The following TRIM63 variants were observed in gnomAD, a reference collection of about 807,000 sequenced individuals.
TRIM63 encodes tripartite motif containing 63, also known as E3 ubiquitin-protein ligase TRIM63.
A neutral mutation model predicts 46.0 loss-of-function variants in TRIM63; 48 were observed. The ratio of observed to expected loss-of-function variants is 1.04; its 90% CI spans 0.83 to 1.33. The LOEUF is 1.33. Among genes scored for constraint, TRIM63 ranks in the 40% most tolerant of loss-of-function variants. The probability of loss-of-function intolerance (pLI) is 0.00; values close to 1 mark genes in which losing one functional copy is unlikely to be tolerated. For synonymous variants in TRIM63, 175 were observed against 162.8 expected (o/e 1.08, Z -0.57); for missense variants, 455 against 441.2 (o/e 1.03, Z -0.28).
intron 2 of TRIM63, among the ~76,000 whole-genome samples, 177 bp downstream of exon 2, chr1:26,066,091 T>A (rs1473214152): frequency 6.6e-6 from 1 of 152,162 alleles, no homozygotes. Flanking sequence ...CGCTGAGCAA[T>A]CCTGAGAGCT....
At chr1:26,067,202 A>C in intron 1 of TRIM63, 134 bp downstream of exon 1, 6 of 1,071,718 alleles carry the variant, frequency 5.6e-6, no homozygotes, top group Non-Finnish European at 7.9e-6. Flanking sequence ...AGCCCTGTCC[A>C]GAGGCCTCTG....
intron 2 of TRIM63, among the ~76,000 whole-genome samples, chr1:26,064,759 G>C (rs1047766967): frequency 6.6e-6 from 1 of 152,156 alleles, no homozygotes; most frequent in Non-Finnish European, 1.5e-5. Flanking sequence ...AGCTCTAAAG[G>C]CTTACCCAGC....
chr1:26,056,296 T>C (rs528033147), intron 7 of TRIM63, among the ~76,000 whole-genome samples: 1 of 152,362 alleles, frequency 6.6e-6, no homozygotes, highest in South Asian at 2.1e-4. Flanking sequence ...ACAATTATTA[T>C]AGGCACTCTA....
chr1:26,061,454 G>T, intron 2 of TRIM63, 120 bp from the exon 3 acceptor site: 1 of 1,072,614 alleles, frequency 9.3e-7, no homozygotes, highest in East Asian at 2.6e-5. Flanking sequence ...CTCAGCCCAG[G>T]AATTCGAGGC....
In TRIM63 at chr1:26,058,459, G is replaced by T; in HGVS notation, c.762C>A (p.Asp254Glu). 7 of 1,614,188 alleles carry T rather than the reference G, an allele frequency of 4.3e-6. No homozygotes were observed. Among genetic ancestry groups the T allele is most frequent in the Non-Finnish European group, 5.9e-6 (7 of 1,180,040 alleles). ...CAGTTTCCACCAGCTTTGTGGACTT[G>T]TCCAGCTGCTCCTGGTACTGCTGGA... ...ALIQQYQEQL[D>E]KSTKLVETAI... The change falls in exon 5 of 9, where the codon GAC becomes GAA. Residue 254 changes from aspartate to glutamate, a missense_variant. By Grantham distance (45) the Asp-to-Glu change is conservative (BLOSUM62 2). Coordinates refer to ENST00000374272, the MANE Select transcript of TRIM63 (RefSeq NM_032588.4).
intron 4 of TRIM63, 61 bp from the exon 5 acceptor site, chr1:26,058,684 G>A: frequency 7.4e-7 from 1 of 1,351,106 alleles, no homozygotes; most frequent in Admixed American, 1.7e-5. Context: ...CCACTACACT[G>A]CCTTCCTAGG....
intron 8 of TRIM63, among the ~76,000 whole-genome samples, chr1:26,053,196 A>T (rs2050537769): frequency 6.6e-6 from 1 of 152,098 alleles, no homozygotes; most frequent in African/African-American, 2.4e-5. Flanking sequence ...CTCCCGCCTC[A>T]GCCTCCCAAA....
At chr1:26,060,446 C>A (rs777452192) in intron 3 of TRIM63, 85 bp from the exon 4 acceptor site, 90 of 964,610 alleles carry the variant, frequency 9.3e-5, no homozygotes, top group Non-Finnish European at 1.3e-4. Context: ...AACATGGCTT[C>A]CTCCCTCCCC....
intron 4 of TRIM63, among the ~76,000 whole-genome samples, chr1:26,059,341 T>A (rs2050601753): frequency 6.6e-6 from 1 of 152,088 alleles, no homozygotes; most frequent in Non-Finnish European, 1.5e-5. Context: ...CTTTTAGCTG[T>A]GTTTCCCTTT....
intron 5 of TRIM63, 94 bp downstream of exon 5, chr1:26,058,296 A>T: frequency 8.9e-7 from 1 of 1,123,322 alleles, no homozygotes; most frequent in Non-Finnish European, 1.3e-6. Flanking sequence ...TGGCTTTTCC[A>T]AGGGCCCATG....
intron 2 of TRIM63, among the ~76,000 whole-genome samples, chr1:26,065,017 T>TTGTGTGTG (rs147938449): frequency 0.028 from 4,203 of 149,654 alleles, 199 homozygotes; most frequent in African/African-American, 0.097. Context: ...TTGTGTTGTG[T>TTGTGTGTG]TGTGTGTGTG....
At chr1:26,057,137 T>C in intron 7 of TRIM63, 66 bp downstream of exon 7, 2 of 1,597,774 alleles carry the variant, frequency 1.3e-6, no homozygotes. Flanking sequence ...CGGGCTCAGT[T>C]GGAGGGATGC....
intron 2 of TRIM63, among the ~76,000 whole-genome samples, chr1:26,065,010 T>C (rs898021016): frequency 6.6e-6 from 1 of 151,614 alleles, no homozygotes; most frequent in Non-Finnish European, 1.5e-5. Flanking sequence ...TTTTGTGTTG[T>C]GTTGTGTTGT....
chr1:26,061,170 T>C lies in TRIM63; in HGVS notation c.497A>G (p.Gln166Arg). ...VAPLQSVFQG[Q>R]KTELNNCISM... Reference sequence around the variant, plus strand: ...AAAAGTGGCTGGAGACAGTACCTTTTGTCCCTGGAAGACACTCTGCAATGG... The same window carrying C: ...AAAAGTGGCTGGAGACAGTACCTTTCGTCCCTGGAAGACACTCTGCAATGG... The change falls in exon 3 of 9, where the codon CAA becomes CGA. Residue 166 changes from glutamine (Q) to arginine (R), a missense_variant. By Grantham distance (43) the Gln-to-Arg change is conservative. Transcript: ENST00000374272. The C allele has an allele frequency of 6.2e-7, 1 of 1,613,754 alleles. No individual in the cohort carries two copies.
intron 4 of TRIM63, among the ~76,000 whole-genome samples, chr1:26,059,556 G>A (rs1274845823): frequency 1.3e-5 from 2 of 152,138 alleles, no homozygotes; most frequent in African/African-American, 4.8e-5. Context: ...TAAAATGGGT[G>A]TGACAATAGC....
intron 8 of TRIM63, among the ~76,000 whole-genome samples, chr1:26,052,208 C>A (rs1197943798): frequency 6.6e-6 from 1 of 152,140 alleles, no homozygotes; most frequent in African/African-American, 2.4e-5. Flanking sequence ...CCGTGCTAAA[C>A]GATTATCTTA....
intron 2 of TRIM63, among the ~76,000 whole-genome samples, chr1:26,062,755 G>T (rs1263863532): frequency 6.6e-5 from 10 of 152,066 alleles, no homozygotes; most frequent in African/African-American, 2.2e-4. Context: ...ATTCATTGGG[G>T]CCTGGGGGGG....
At chr1:26,065,466 G>A (rs1026044271) in intron 2 of TRIM63, among the ~76,000 whole-genome samples, 5 of 152,082 alleles carry the variant, frequency 3.3e-5, no homozygotes, top group Non-Finnish European at 5.9e-5. Flanking sequence ...GCCCCACCAC[G>A]CCCAGCTAGT....
At chr1:26,060,501 G>C in intron 3 of TRIM63, 140 bp from the exon 4 acceptor site, 1 of 633,718 alleles carries the variant, frequency 1.6e-6, no homozygotes, top group Non-Finnish European at 2.8e-6. Flanking sequence ...CCCCTCTTTC[G>C]GGTATAGCTC....
Sources: allele counts gnomAD v4.1 joint callset (sites outside exome capture counted in the v4.1 genomes callset), GRCh38; gene constraint gnomAD v4.1.1; transcripts MANE v1.5; gene names NCBI Gene and HGNC (gene_info 2026-07-23, HGNC 2026-07-21).